The following ZNF362 variants were observed in gnomAD, a reference collection of about 807,000 sequenced individuals.
ZNF362 encodes the protein rotund homolog.
In ZNF362, 11 loss-of-function variants were observed where a neutral mutation model predicts 42.9. The ratio of observed to expected loss-of-function variants is 0.26; its 90% CI spans 0.16 to 0.42. The LOEUF (loss-of-function observed/expected upper bound fraction) is 0.42. Ranked by LOEUF, ZNF362 falls within the 20% of genes least tolerant of loss-of-function variation. The pLI is 1.00. For missense variants in ZNF362, 362 were observed against 576.2 expected, an observed-to-expected ratio of 0.63 and a Z score of 3.81; for synonymous variants, 255 against 257.3, an observed-to-expected ratio of 0.99 and a Z score of 0.09.
At chr1:33,187,435 C>T in the ZNF362 span, among the ~76,000 whole-genome samples, 83 of 152,088 alleles carry the variant, frequency 5.5e-4, no homozygotes, top group Non-Finnish European at 7.6e-4. Flanking sequence ...TGGAAAGTCA[C>T]GATTTGTTAC....
At chr1:33,271,004 C>G (rs1282035856) in intron 2 of ZNF362, among the ~76,000 whole-genome samples, 1 of 152,184 alleles carries the variant, frequency 6.6e-6, no homozygotes, top group Non-Finnish European at 1.5e-5. Flanking sequence ...TTTGGCCGCT[C>G]TCCTCCCTGG....
the ZNF362 span, among the ~76,000 whole-genome samples, chr1:33,205,063 C>T: frequency 6.6e-6 from 1 of 152,094 alleles, no homozygotes; most frequent in African/African-American, 2.4e-5. Flanking sequence ...AGACTCAATA[C>T]TGCTAAGATG....
At chr1:33,186,675 G>A in the ZNF362 span, among the ~76,000 whole-genome samples, 3 of 144,342 alleles carry the variant, frequency 2.1e-5, no homozygotes, top group South Asian at 2.3e-4. Flanking sequence ...GCGTGGTGGC[G>A]GGTGCTTGTA....
At chr1:33,157,905 CG>C in the ZNF362 span, among the ~76,000 whole-genome samples, 1 of 152,012 alleles carries the variant, frequency 6.6e-6, no homozygotes, top group Non-Finnish European at 1.5e-5. Flanking sequence ...TACAGGTGCA[CG>C]CCACCATGCC....
At chr1:33,285,395 C>G (rs773173065) in intron 6 of ZNF362, among the ~76,000 whole-genome samples, 20 of 152,160 alleles carry the variant, frequency 1.3e-4, no homozygotes, top group Non-Finnish European at 1.0e-4. Flanking sequence ...GCCTGGGTGA[C>G]AGAGCAAGAC....
At chr1:33,275,732 G>T (rs1206813728) in intron 2 of ZNF362, among the ~76,000 whole-genome samples, 2 of 152,202 alleles carry the variant, frequency 1.3e-5, no homozygotes, top group South Asian at 2.1e-4. Flanking sequence ...GACTTGGGGG[G>T]CCTTCTGTAT....
chr1:33,176,709 CGGTAT>C, the ZNF362 span, among the ~76,000 whole-genome samples: 2 of 152,202 alleles, frequency 1.3e-5, no homozygotes, highest in African/African-American at 4.8e-5. Flanking sequence ...AGCTCAGGGA[CGGTAT>C]GTGGCCTAGT....
At chr1:33,134,251 A>C in the ZNF362 span, among the ~76,000 whole-genome samples, 3 of 152,350 alleles carry the variant, frequency 2.0e-5, no homozygotes, top group Admixed American at 2.0e-4. Flanking sequence ...TGATCCTCAC[A>C]GCAACCCAGC....
the ZNF362 span, among the ~76,000 whole-genome samples, chr1:33,162,648 G>T: frequency 6.6e-6 from 1 of 152,212 alleles, no homozygotes; most frequent in Non-Finnish European, 1.5e-5. Context: ...CTTCTTTCCA[G>T]GCTGGGGTTT....
At chr1:33,218,407 T>A in the ZNF362 span, among the ~76,000 whole-genome samples, 2 of 152,172 alleles carry the variant, frequency 1.3e-5, no homozygotes, top group Non-Finnish European at 2.9e-5. Context: ...CACACACCAC[T>A]GCACTCCAGC....
the ZNF362 span, among the ~76,000 whole-genome samples, chr1:33,249,778 G>C: frequency 6.6e-6 from 1 of 152,110 alleles, no homozygotes; most frequent in African/African-American, 2.4e-5. Flanking sequence ...ATTTTCCAAG[G>C]GAGGCAAGGT....
the ZNF362 span, among the ~76,000 whole-genome samples, chr1:33,234,713 T>C: frequency 6.6e-6 from 1 of 152,200 alleles, no homozygotes; most frequent in South Asian, 2.1e-4. Flanking sequence ...TGGCTCCCTG[T>C]GCAGCCTTGA....
the ZNF362 span, among the ~76,000 whole-genome samples, chr1:33,161,680 C>T: frequency 2.6e-5 from 4 of 152,108 alleles, no homozygotes; most frequent in African/African-American, 9.7e-5. The surrounding 1 kb of genome is among the most constrained non-coding windows in gnomAD (Gnocchi z 4.3). Context: ...GCCTCTGCAG[C>T]GGCATGTTGC....
chr1:33,192,229 TA>T, the ZNF362 span, among the ~76,000 whole-genome samples: 1 of 152,234 alleles, frequency 6.6e-6, no homozygotes, highest in East Asian at 1.9e-4. Context: ...ACCAGTTCTT[TA>T]ACTACCATTG....
At chr1:33,212,875 G>A in the ZNF362 span, among the ~76,000 whole-genome samples, 5 of 152,170 alleles carry the variant, frequency 3.3e-5, no homozygotes, top group African/African-American at 4.8e-5. Flanking sequence ...GAAAGCGTAC[G>A]TGCATGCAAA....
At position 33,298,781 on chromosome 1, in the gene ZNF362, G is replaced by A. The variant is rs112730576; in HGVS notation, c.1147-149G>A. Reference sequence around the variant, plus strand: ...TGCAGTGTCTCTAGAACCAATGGCCGACGCCCATCTGACCCTGCAAAACTG... The same window carrying A: ...TGCAGTGTCTCTAGAACCAATGGCCAACGCCCATCTGACCCTGCAAAACTG... On this transcript the variant is annotated intron_variant, in intron 8 of 8. Coordinates refer to ENST00000539719, the MANE Select transcript of ZNF362 (RefSeq NM_152493.3). The A allele has an allele frequency of 5.6e-3, 3,897 of 693,446 alleles. 21 individuals carry two copies. Among genetic ancestry groups the A allele is most frequent in the Non-Finnish European group, 7.1e-3 (2,724 of 384,350 alleles). 43.0% of individuals were successfully genotyped at this position (693,446 alleles called of 1,614,324 possible).
chr1:33,176,952 G>A, the ZNF362 span, among the ~76,000 whole-genome samples: 1 of 152,172 alleles, frequency 6.6e-6, no homozygotes. Flanking sequence ...GAACTCTTTG[G>A]AAATGGGCTC....
the ZNF362 span, among the ~76,000 whole-genome samples, chr1:33,240,799 C>T: frequency 6.6e-6 from 1 of 152,148 alleles, no homozygotes; most frequent in Admixed American, 6.5e-5. Context: ...ATCCTGAGTA[C>T]AATTCTGACA....
At position 33,295,314 on chromosome 1, in the gene ZNF362, C is replaced by G. The variant is rs375958822; in HGVS notation, c.1146+9C>G. On this transcript the variant is annotated intron_variant, in intron 8 of 8. Coordinates refer to ENST00000539719, the MANE Select transcript of ZNF362 (RefSeq NM_152493.3). ...GGCGGGCCTACACCTCGGTGAGTGC[C>G]GGTCGGCCTGTGCCCTGCCCCGGGG... 1 of 1,612,942 alleles carries G rather than the reference C, an allele frequency of 6.2e-7. No individual in the cohort carries two copies. The highest frequency in any genetic ancestry group is 1.7e-5 in the Admixed American group (1 of 59,910).
Sources: allele counts gnomAD v4.1 joint callset (sites outside exome capture counted in the v4.1 genomes callset), GRCh38; gene constraint gnomAD v4.1.1; non-coding constraint Gnocchi (gnomAD v3.1); transcripts MANE v1.5; gene names NCBI Gene and HGNC (gene_info 2026-07-23, HGNC 2026-07-21).